Variants in TMCC1 observed in about 807,000 individuals in gnomAD.
TMCC1 encodes transmembrane and coiled-coil domains protein 1.
TMCC1 carries 15 observed loss-of-function variants against 52.4 expected under a neutral mutation model. The ratio of observed to expected loss-of-function variants is 0.29; its 90% CI spans 0.19 to 0.44. The LOEUF (loss-of-function observed/expected upper bound fraction) is 0.44, where lower values mean the gene tolerates loss of function less well. Among genes scored for constraint, TMCC1 ranks in the 20% least tolerant of loss-of-function variants. TMCC1 has a pLI of 1.00. For synonymous variants in TMCC1, 279 were observed against 301.9 expected, an observed-to-expected ratio of 0.92 and a Z score of 0.79; for missense variants, 503 against 806.0, an observed-to-expected ratio of 0.62 and a Z score of 4.55.
At chr3:129,840,679 T>C (rs913488628) in intron 2 of TMCC1, among the ~76,000 whole-genome samples, 2 of 152,194 alleles carry the variant, frequency 1.3e-5, no homozygotes, top group African/African-American at 4.8e-5. Flanking sequence ...GAAATCTGAT[T>C]GTTTAAAAGT....
At chr3:129,854,591 G>A (rs142846687) in intron 2 of TMCC1, among the ~76,000 whole-genome samples, 2,865 of 152,116 alleles carry the variant, frequency 0.019, 49 homozygotes, top group Non-Finnish European at 0.029. Context: ...TTCAAGCCAT[G>A]CTAGCCTTAA....
chr3:129,763,591 C>T (rs1369928008), intron 4 of TMCC1, among the ~76,000 whole-genome samples: 1 of 147,646 alleles, frequency 6.8e-6, no homozygotes, highest in Admixed American at 6.8e-5. Flanking sequence ...TTATACTTAC[C>T]CTGATTATTT....
intron 4 of TMCC1, among the ~76,000 whole-genome samples, chr3:129,779,600 C>G (rs1316093615): frequency 6.6e-6 from 1 of 152,126 alleles, no homozygotes; most frequent in Non-Finnish European, 1.5e-5. Flanking sequence ...AGTCTTTATG[C>G]TAAAGATTTA....
At chr3:129,835,029 A>T (rs898340313) in intron 2 of TMCC1, among the ~76,000 whole-genome samples, 6 of 152,184 alleles carry the variant, frequency 3.9e-5, no homozygotes, top group Admixed American at 2.0e-4. Context: ...ATTCCTTTAG[A>T]CCTGCTTAAA....
At chr3:129,784,621 TGGG>T (rs959939034) in intron 4 of TMCC1, among the ~76,000 whole-genome samples, 18 of 147,346 alleles carry the variant, frequency 1.2e-4, no homozygotes, top group African/African-American at 4.3e-4. Flanking sequence ...AAATACATGG[TGGG>T]GGGTGGGGAG....
At chr3:129,738,894 C>T (rs2051215190) in intron 4 of TMCC1, among the ~76,000 whole-genome samples, 1 of 152,170 alleles carries the variant, frequency 6.6e-6, no homozygotes, top group Non-Finnish European at 1.5e-5. Context: ...TCTCAGCTCC[C>T]AGCAACCTCC....
intron 4 of TMCC1, among the ~76,000 whole-genome samples, chr3:129,672,208 T>C (rs2088008168): frequency 6.6e-6 from 1 of 152,154 alleles, no homozygotes; most frequent in Admixed American, 6.5e-5. Context: ...GGAGGTCAAG[T>C]TTCCCAAATT....
chr3:129,736,632 C>T (rs1453075528), intron 4 of TMCC1, among the ~76,000 whole-genome samples: 4 of 151,790 alleles, frequency 2.6e-5, no homozygotes, highest in Non-Finnish European at 5.9e-5. Context: ...AGTGATTCTC[C>T]TGTCTCAGCC....
intron 4 of TMCC1, among the ~76,000 whole-genome samples, chr3:129,817,919 TCTC>T (rs2058185134): frequency 1.3e-5 from 2 of 152,100 alleles, no homozygotes; most frequent in Non-Finnish European, 1.5e-5. Context: ...TTCAAGCAAT[TCTC>T]CTGCTGTAGC....
In TMCC1 at chr3:129,891,776, G is replaced by C. The variant is rs535473514; in HGVS notation, c.-435+1718C>G. ...CTCAATAAACATTTGATGAATTAAT[G>C]AATGATCCATAAATGCCACTCTGAG... On this transcript the variant is annotated intron_variant, in intron 1 of 6. Transcript: ENST00000393238. Among the ~76,000 whole-genome samples the C allele has an allele frequency of 2.6e-5, 4 of 152,240 alleles. No individual in the cohort carries two copies. In the South Asian group the frequency reaches 8.3e-4, roughly 32 times the overall value.
intron 4 of TMCC1, among the ~76,000 whole-genome samples, chr3:129,701,391 T>C (rs997094856): frequency 6.6e-6 from 1 of 152,178 alleles, no homozygotes; most frequent in Non-Finnish European, 1.5e-5. Flanking sequence ...ATTAACCTCC[T>C]GCTGGGATTC....
intron 4 of TMCC1, among the ~76,000 whole-genome samples, chr3:129,674,842 CTCT>C (rs1340134810): frequency 1.1e-4 from 16 of 152,102 alleles, no homozygotes; most frequent in Non-Finnish European, 8.8e-5. Flanking sequence ...AATTAGATTT[CTCT>C]TCTTTTTTTT....
chr3:129,859,679 CACACACAT>C (rs879572070), intron 2 of TMCC1, among the ~76,000 whole-genome samples: 16 of 129,960 alleles, frequency 1.2e-4, no homozygotes, highest in East Asian at 8.5e-4. Context: ...CACACACACA[CACACACAT>C]ACACACGTAT....
Position 129,676,036 on chromosome 3 carries a change from CAAAAAAA to C in TMCC1, c.577-4779_577-4773del, listed in dbSNP as rs61105005. On this transcript the variant is annotated intron_variant, in intron 4 of 6. Coordinates refer to ENST00000393238, the MANE Select transcript of TMCC1 (RefSeq NM_001017395.5). ...TGGGCGACAGAGCGAGACTCTGTCT[CAAAAAAA>C]AAAAAAAAAAAAAAAAAATTACAGA... Among the ~76,000 whole-genome samples, 11 of 46,318 alleles carry C rather than the reference CAAAAAAA, an allele frequency of 2.4e-4. No individual in the cohort carries two copies. In the South Asian group the frequency reaches 8.1e-3, roughly 34 times the overall value. The allele number at this position is 46,318 out of a possible 152,430, so 30.4% of individuals were successfully genotyped here. A position where few individuals can be genotyped will look rare whatever the true frequency, so the allele number is the denominator to read the frequency against.
chr3:129,752,196 G>C (rs1331927604), intron 4 of TMCC1, among the ~76,000 whole-genome samples: 1 of 152,150 alleles, frequency 6.6e-6, no homozygotes, highest in African/African-American at 2.4e-5. Flanking sequence ...GGCATCAGCA[G>C]AATGTTTTCC....
chr3:129,717,066 T>C (rs558413316), intron 4 of TMCC1, among the ~76,000 whole-genome samples: 1 of 152,346 alleles, frequency 6.6e-6, no homozygotes, highest in African/African-American at 2.4e-5. Context: ...TTAAATAAAC[T>C]TCTTGACTCC....
chr3:129,833,264 C>T (rs1035414507), intron 2 of TMCC1, among the ~76,000 whole-genome samples: 1 of 151,970 alleles, frequency 6.6e-6, no homozygotes, highest in African/African-American at 2.4e-5. Flanking sequence ...CTGCCATTCT[C>T]TATTCAAAGG....
chr3:129,884,169 G>C (rs539861811), intron 1 of TMCC1, among the ~76,000 whole-genome samples: 2 of 152,082 alleles, frequency 1.3e-5, no homozygotes, highest in South Asian at 4.2e-4. Context: ...CAATCAGAAG[G>C]AAAATCATAC....
intron 4 of TMCC1, among the ~76,000 whole-genome samples, chr3:129,822,104 T>C (rs975247212): frequency 9.1e-4 from 138 of 152,208 alleles, no homozygotes; most frequent in Middle Eastern, 3.4e-3. Context: ...TGAGGCCTTA[T>C]TTTTTAGGCA....
Sources: gnomAD v4.1 joint callset for allele counts (sites outside exome capture counted in the v4.1 genomes callset) on GRCh38, gnomAD v4.1.1 for gene constraint, MANE v1.5 for transcripts, NCBI Gene and HGNC (gene_info 2026-07-23, HGNC 2026-07-21) for gene names.